CFAP90: variants seen among roughly 807,000 people sequenced by gnomAD.
The protein encoded by CFAP90 is cilia and flagella associated protein 90, also known as cilia- and flagella-associated protein 90.
At chr5:7,849,311 A>G in the CFAP90 span, among the ~76,000 whole-genome samples, 1 of 152,154 alleles carries the variant, frequency 6.6e-6, no homozygotes, top group African/African-American at 2.4e-5. Context: ...GAATTTATTT[A>G]GGGTCTAGGA....
the CFAP90 span, chr5:7,850,782 C>T: frequency 5.2e-6 from 6 of 1,159,458 alleles, no homozygotes; most frequent in Non-Finnish European, 6.4e-6. Flanking sequence ...GGCCGCCCGC[C>T]CCTGCCCAGC....
At chr5:7,840,671 G>C in the CFAP90 span, among the ~76,000 whole-genome samples, 1 of 152,150 alleles carries the variant, frequency 6.6e-6, no homozygotes, top group South Asian at 2.1e-4. Context: ...CAGCTGACTT[G>C]TGTCCTCCAA....
At chr5:7,834,968 C>G in the CFAP90 span, among the ~76,000 whole-genome samples, 1 of 152,154 alleles carries the variant, frequency 6.6e-6, no homozygotes, top group Admixed American at 6.5e-5. Context: ...CACACACACA[C>G]GTACAAGCAT....
the CFAP90 span, chr5:7,835,528 G>A: frequency 1.5e-6 from 2 of 1,360,914 alleles, no homozygotes; most frequent in Admixed American, 1.9e-5. Flanking sequence ...GAAAGCCATG[G>A]GTTAATTTGA....
chr5:7,847,881 C>G, the CFAP90 span, among the ~76,000 whole-genome samples: 2 of 152,208 alleles, frequency 1.3e-5, no homozygotes, highest in Admixed American at 6.5e-5. Context: ...AGATTCTGCT[C>G]TTTTTCCTGG....
At chr5:7,841,127 A>T in the CFAP90 span, among the ~76,000 whole-genome samples, 1 of 152,164 alleles carries the variant, frequency 6.6e-6, no homozygotes, top group Non-Finnish European at 1.5e-5. Flanking sequence ...CATCTACAAG[A>T]AACAAATTTA....
the CFAP90 span, chr5:7,831,632 A>G: frequency 2.1e-6 from 1 of 480,828 alleles, no homozygotes; most frequent in East Asian, 3.0e-5. Flanking sequence ...GAGACTCTTC[A>G]CATGTACTAA....
the CFAP90 span, among the ~76,000 whole-genome samples, chr5:7,838,460 C>T: frequency 6.6e-6 from 1 of 152,156 alleles, no homozygotes; most frequent in Admixed American, 6.5e-5. Context: ...TGGGATGGGC[C>T]GCCCAGTAAC....
chr5:7,841,374 G>T, the CFAP90 span, among the ~76,000 whole-genome samples: 100 of 152,324 alleles, frequency 6.6e-4, 1 homozygote, highest in African/African-American at 2.4e-3. Context: ...TACACTGTTG[G>T]TGGGAGTGTA....
the CFAP90 span, chr5:7,830,477 A>AAACT: frequency 2.2e-4 from 33 of 152,362 alleles, no homozygotes; most frequent in African/African-American, 6.7e-4. Flanking sequence ...TCTATAACCC[A>AAACT]AACTTTATAT....
At chr5:7,850,506 A>G in the CFAP90 span, among the ~76,000 whole-genome samples, 1 of 64,896 alleles carries the variant, frequency 1.5e-5, no homozygotes, top group East Asian at 3.7e-4. Context: ...CCCTGCCCCC[A>G]GGCCCCCTCC....
chr5:7,837,736 G>A, the CFAP90 span, among the ~76,000 whole-genome samples: 9 of 152,290 alleles, frequency 5.9e-5, no homozygotes, highest in South Asian at 2.1e-4. Context: ...TCAATGAGCC[G>A]TCTAGTAAGG....
At chr5:7,846,459 G>C in the CFAP90 span, among the ~76,000 whole-genome samples, 1 of 152,154 alleles carries the variant, frequency 6.6e-6, no homozygotes, top group African/African-American at 2.4e-5. Flanking sequence ...GCATTTTCTG[G>C]TTGCTACATG....
the CFAP90 span, among the ~76,000 whole-genome samples, chr5:7,845,853 T>C: frequency 2.0e-4 from 31 of 151,666 alleles, no homozygotes; most frequent in East Asian, 5.4e-3. Context: ...TTTAAATAAG[T>C]GTGCAGCCTT....
At chr5:7,835,925 T>C in the CFAP90 span, among the ~76,000 whole-genome samples, 2 of 152,204 alleles carry the variant, frequency 1.3e-5, no homozygotes, top group East Asian at 1.9e-4. Context: ...CTCACAGTCC[T>C]GGAGGCTGCG....
chr5:7,848,462 T>C, the CFAP90 span, among the ~76,000 whole-genome samples: 1 of 152,162 alleles, frequency 6.6e-6, no homozygotes, highest in South Asian at 2.1e-4. Context: ...CTAAGTACCA[T>C]GGATGACGTG....
At chr5:7,847,209 G>A in the CFAP90 span, among the ~76,000 whole-genome samples, 1 of 152,070 alleles carries the variant, frequency 6.6e-6, no homozygotes, top group Non-Finnish European at 1.5e-5. Context: ...TTGTCAAATG[G>A]GCTTCAAAAT....
the CFAP90 span, among the ~76,000 whole-genome samples, chr5:7,843,823 A>G: frequency 6.6e-6 from 1 of 152,186 alleles, no homozygotes; most frequent in Admixed American, 6.5e-5. Flanking sequence ...AAAAACTAAG[A>G]TATGTTATTA....
the CFAP90 span, among the ~76,000 whole-genome samples, chr5:7,842,089 T>G: frequency 1.3e-5 from 2 of 152,086 alleles, no homozygotes; most frequent in Non-Finnish European, 2.9e-5. Flanking sequence ...TGGTACATTT[T>G]ATGGTAGCCC....
Sources: gnomAD v4.1 joint callset for allele counts (sites outside exome capture counted in the v4.1 genomes callset) on GRCh38, gnomAD v4.1.1 for gene constraint, MANE v1.5 for transcripts, NCBI Gene and HGNC (gene_info 2026-07-23, HGNC 2026-07-21) for gene names.